OXCT1: variants seen among roughly 807,000 people sequenced by gnomAD.
OXCT1 encodes 3-oxoacid CoA-transferase 1.
In OXCT1, 27 loss-of-function variants were observed where a neutral mutation model predicts 69.6. The ratio of observed to expected loss-of-function variants is 0.39; its 90% CI spans 0.29 to 0.54. The LOEUF (loss-of-function observed/expected upper bound fraction) is 0.54. OXCT1 is among the 20% of genes least tolerant of loss of function. OXCT1 has a pLI of 0.72. For missense variants in OXCT1, 437 were observed against 650.2 expected (o/e 0.67, Z 3.57); for synonymous variants, 202 against 217.8 (o/e 0.93, Z 0.64).
At chr5:41,798,902 T>C (rs1213408339) in intron 11 of OXCT1, among the ~76,000 whole-genome samples, 1 of 152,182 alleles carries the variant, frequency 6.6e-6, no homozygotes, top group Non-Finnish European at 1.5e-5. Context: ...AGCAGGAGAC[T>C]GGGTATGAAC....
At chr5:41,757,746 AG>A (rs1463040675) in intron 14 of OXCT1, among the ~76,000 whole-genome samples, 1 of 152,132 alleles carries the variant, frequency 6.6e-6, no homozygotes, top group East Asian at 1.9e-4. Context: ...GGTAGGAATA[AG>A]CCAGATAAAG....
chr5:41,842,792 G>A lies in OXCT1; in HGVS notation c.565-11C>T. 1 of 1,545,088 alleles carries A rather than the reference G, an allele frequency of 6.5e-7. No homozygotes were observed. The highest frequency in any genetic ancestry group is 9.0e-7 in the Non-Finnish European group (1 of 1,117,246). ...ATTGAACTCCCTCACCTGCAGAAGAGGGAGAAGGCATCATCAGGTATTTGC... is the reference window on the plus strand; with the variant it reads ...ATTGAACTCCCTCACCTGCAGAAGAAGGAGAAGGCATCATCAGGTATTTGC... On this transcript the variant is annotated splice_polypyrimidine_tract_variant and intron_variant, in intron 5 of 16. Transcript: ENST00000196371.
intron 3 of OXCT1, among the ~76,000 whole-genome samples, chr5:41,854,820 A>T (rs2112453673): frequency 6.6e-6 from 1 of 152,314 alleles, no homozygotes. Flanking sequence ...CAGAACTCTC[A>T]TATGTGCCAA....
At chr5:41,834,524 C>T (rs1748263453) in intron 7 of OXCT1, among the ~76,000 whole-genome samples, 2 of 147,958 alleles carry the variant, frequency 1.4e-5, no homozygotes, top group African/African-American at 5.0e-5. Context: ...ACAGGAGTAG[C>T]TATACTTACA....
At chr5:41,838,893 G>A (rs1429623143) in intron 7 of OXCT1, among the ~76,000 whole-genome samples, 1 of 152,196 alleles carries the variant, frequency 6.6e-6, no homozygotes, top group African/African-American at 2.4e-5. Context: ...TTAGGCCTGA[G>A]CCACTGTGCC....
At chr5:41,809,186 A>C (rs1746841690) in intron 7 of OXCT1, among the ~76,000 whole-genome samples, 2 of 152,064 alleles carry the variant, frequency 1.3e-5, no homozygotes, top group South Asian at 4.1e-4. Flanking sequence ...ACCTACAGAA[A>C]ATAAAAGGAA....
Position 41,812,960 on chromosome 5 carries a change from A to G in OXCT1, c.733-5522T>C, listed in dbSNP as rs145811102. ...CCAAAAGGGGGGCTCAATCTACAAC[A>G]GTATTCTAAAATGGATTATTATATA... On this transcript the variant is annotated intron_variant, in intron 7 of 16. Transcript: ENST00000196371. 7.6e-3 allele frequency among the ~76,000 whole-genome samples: 1,163 copies of G among 152,178 alleles called. 6 individuals carry two copies. Among genetic ancestry groups the G allele is most frequent in the Non-Finnish European group, 0.01 (688 of 67,986 alleles).
chr5:41,785,433 T>G (rs569035220), intron 13 of OXCT1, among the ~76,000 whole-genome samples: 1 of 152,262 alleles, frequency 6.6e-6, no homozygotes, highest in East Asian at 1.9e-4. Flanking sequence ...GCTGGAAAAA[T>G]ATTGAAGAGT....
At chr5:41,862,847 T>A in intron 1 of OXCT1, 97 bp from the exon 2 acceptor site, 2 of 738,190 alleles carry the variant, frequency 2.7e-6, no homozygotes, top group Non-Finnish European at 4.9e-6. Context: ...AATGATAATT[T>A]CATTATCTCC....
chr5:41,745,497 G>A (rs368871429), intron 15 of OXCT1, among the ~76,000 whole-genome samples: 5 of 151,578 alleles, frequency 3.3e-5, no homozygotes, highest in South Asian at 2.1e-4. Context: ...AAGAACTAGA[G>A]AAGCAAGAGC....
chr5:41,783,784 C>A (rs925642595), intron 13 of OXCT1, among the ~76,000 whole-genome samples: 3 of 152,256 alleles, frequency 2.0e-5, no homozygotes, highest in African/African-American at 7.2e-5. Flanking sequence ...TTCTTTCAGT[C>A]TCTGTGTTGA....
chr5:41,850,149 C>T lies in OXCT1; in HGVS notation c.445G>A (p.Gly149Arg), dbSNP rs774361933. 3.1e-6 allele frequency: 5 copies of T among 1,613,820 alleles called. No homozygotes were observed. Among genetic ancestry groups the T allele is most frequent in the South Asian group, 1.1e-5 (1 of 91,086 alleles). The change falls in exon 5 of 17, where the codon GGG becomes AGG. Residue 149 changes from glycine to arginine, a missense_variant. Coordinates refer to ENST00000196371, the MANE Select transcript of OXCT1 (RefSeq NM_000436.4). ...GTGTAAAATGCAGGAACTCCAGCCCCGCCTGCACGGATCCTCTCTGCAAGT... is the reference window on the plus strand; with the variant it reads ...GTGTAAAATGCAGGAACTCCAGCCCTGCCTGCACGGATCCTCTCTGCAAGT... ...GTLAERIRAG[G>R]AGVPAFYTPT... is the part of the protein sequence containing the mutation.
Position 41,808,870 on chromosome 5 carries a change from T to C in OXCT1, c.733-1432A>G, listed in dbSNP as rs530870040. Reference sequence around the variant, plus strand: ...ATCTTTCCATATTCAGTTTTAGCCTTCAAAGAAGTTCTTGACTTTAAAAAT... The same window carrying C: ...ATCTTTCCATATTCAGTTTTAGCCTCCAAAGAAGTTCTTGACTTTAAAAAT... On this transcript the variant is annotated intron_variant, in intron 7 of 16. Coordinates refer to ENST00000196371, the MANE Select transcript of OXCT1 (RefSeq NM_000436.4). 3.9e-5 allele frequency among the ~76,000 whole-genome samples: 6 copies of C among 152,232 alleles called. No homozygotes were observed. The South Asian group carries it at 1.2e-3, about 32-fold the overall frequency.
intron 14 of OXCT1, among the ~76,000 whole-genome samples, chr5:41,751,650 G>GTT (rs1743792884): frequency 6.6e-6 from 1 of 152,092 alleles, no homozygotes; most frequent in African/African-American, 2.4e-5. Context: ...AGCTGGTACT[G>GTT]TTTTTAATAC....
intron 6 of OXCT1, 120 bp downstream of exon 6, chr5:41,842,555 C>A: frequency 1.3e-6 from 1 of 782,450 alleles, no homozygotes. Context: ...ATGTGCAATA[C>A]ACATGGGCAT....
chr5:41,740,834 C>T (rs1038820599), intron 15 of OXCT1, among the ~76,000 whole-genome samples: 2 of 152,142 alleles, frequency 1.3e-5, no homozygotes, highest in African/African-American at 4.8e-5. Flanking sequence ...AAGCACTGTA[C>T]CCTCTTTCAG....
intron 11 of OXCT1, among the ~76,000 whole-genome samples, chr5:41,795,685 C>T (rs777886653): frequency 2.5e-4 from 38 of 151,832 alleles, no homozygotes; most frequent in Non-Finnish European, 4.0e-4. Context: ...TAATACTATA[C>T]TGTATAATTG....
chr5:41,870,207 G>A lies in OXCT1; in HGVS notation c.78+74C>T. The A allele has an allele frequency of 8.3e-7, 1 of 1,199,130 alleles. No individual in the cohort carries two copies. Among genetic ancestry groups the A allele is most frequent in the Non-Finnish European group, 1.2e-6 (1 of 808,112 alleles). The allele number at this position is 1,199,130 out of a possible 1,614,324, so 74.3% of individuals were successfully genotyped here. ...GGAGAGAGCGGGTAGGGGCAGAGAA[G>A]AAAACGCGGGCACCACTCAGGGTTT... On this transcript the variant is annotated intron_variant, in intron 1 of 16. Transcript: ENST00000196371. The surrounding 1 kb of genome is among the most constrained non-coding windows in gnomAD (Gnocchi z 4.2).
chr5:41,861,221 A>C, intron 3 of OXCT1, 93 bp downstream of exon 3: 1 of 848,010 alleles, frequency 1.2e-6, no homozygotes, highest in Middle Eastern at 2.9e-4. Flanking sequence ...GCTCATGTGA[A>C]TAGGAGAAAA....
Sources: gnomAD v4.1 joint callset for allele counts (sites outside exome capture counted in the v4.1 genomes callset) on GRCh38, gnomAD v4.1.1 for gene constraint, Gnocchi (gnomAD v3.1) non-coding constraint, MANE v1.5 for transcripts, NCBI Gene and HGNC (gene_info 2026-07-23, HGNC 2026-07-21) for gene names.